Variants in CNTNAP2 observed in about 807,000 individuals in gnomAD.
The protein encoded by CNTNAP2 is contactin-associated protein-like 2.
In CNTNAP2, 98 loss-of-function variants were observed where a neutral mutation model predicts 155.2. That is an observed-to-expected ratio of 0.63 (90% CI 0.54 to 0.75). CNTNAP2 has a LOEUF of 0.75. Among genes scored for constraint, CNTNAP2 ranks in the 30% least tolerant of loss-of-function variants. The pLI, the probability that CNTNAP2 is intolerant of heterozygous loss-of-function variation, is 0.00. For missense variants in CNTNAP2, 1,727 were observed against 1,688.1 expected, an observed-to-expected ratio of 1.02 and a Z score of -0.40; for synonymous variants, 651 against 631.2, an observed-to-expected ratio of 1.03 and a Z score of -0.47.
At chr7:148,182,811 G>T (rs970776205) in intron 18 of CNTNAP2, among the ~76,000 whole-genome samples, 15 of 152,178 alleles carry the variant, frequency 9.9e-5, no homozygotes, top group African/African-American at 3.4e-4. Context: ...TTCTCAAGAG[G>T]ACTGGGCACA....
chr7:147,755,358 A>G (rs975713753), intron 13 of CNTNAP2, among the ~76,000 whole-genome samples: 2 of 152,256 alleles, frequency 1.3e-5, no homozygotes, highest in Admixed American at 6.5e-5. Context: ...CAAAAGATCC[A>G]CCAGCGTTAA....
chr7:147,208,407 A>G (rs1803066080), intron 8 of CNTNAP2, among the ~76,000 whole-genome samples: 1 of 152,112 alleles, frequency 6.6e-6, no homozygotes, highest in Admixed American at 6.6e-5. Context: ...CAGCTTCCAT[A>G]AGAGCATTTA....
At chr7:146,332,284 C>T (rs978216886) in intron 1 of CNTNAP2, among the ~76,000 whole-genome samples, 5 of 151,656 alleles carry the variant, frequency 3.3e-5, no homozygotes, top group Non-Finnish European at 5.9e-5. Context: ...AATTTTAAAA[C>T]TATTTATTCA....
At chr7:147,422,593 G>A (rs536353400) in intron 10 of CNTNAP2, among the ~76,000 whole-genome samples, 53 of 152,172 alleles carry the variant, frequency 3.5e-4, no homozygotes, top group South Asian at 1.0e-3. Context: ...CTTCAATTAA[G>A]TTCTTTTACA....
chr7:148,069,759 C>CAAA (rs57389619), intron 15 of CNTNAP2, among the ~76,000 whole-genome samples: 3 of 68,948 alleles, frequency 4.4e-5, no homozygotes, highest in East Asian at 4.7e-4. Flanking sequence ...GACTCCGTCT[C>CAAA]AAAAAAAAAA....
intron 11 of CNTNAP2, among the ~76,000 whole-genome samples, chr7:147,494,530 C>T (rs1798665162): frequency 6.9e-6 from 1 of 144,942 alleles, no homozygotes; most frequent in Non-Finnish European, 1.5e-5. Flanking sequence ...GCTGTAAAGA[C>T]ATGCTGTGAT....
intron 15 of CNTNAP2, among the ~76,000 whole-genome samples, chr7:148,051,981 T>C (rs4443578): frequency 0.038 from 5,787 of 151,834 alleles, 201 homozygotes; most frequent in African/African-American, 0.091. Flanking sequence ...CTACTAAAAA[T>C]ACAAAAAATT....
At chr7:146,790,087 A>G (rs1454938123) in intron 2 of CNTNAP2, among the ~76,000 whole-genome samples, 1 of 152,002 alleles carries the variant, frequency 6.6e-6, no homozygotes, top group African/African-American at 2.4e-5. Flanking sequence ...TTCCTGGAAA[A>G]CTAGAAACTC....
At chr7:147,423,517 T>C (rs1797331487) in intron 10 of CNTNAP2, among the ~76,000 whole-genome samples, 1 of 152,152 alleles carries the variant, frequency 6.6e-6, no homozygotes. Context: ...CTCCTCTCTA[T>C]GGAAATGTAT....
chr7:147,377,880 T>C (rs1318683759), intron 9 of CNTNAP2: 1 of 376,492 alleles, frequency 2.7e-6, no homozygotes, highest in Non-Finnish European at 5.2e-6. Flanking sequence ...ATGCTGTGTT[T>C]AGTGCTAGAT....
intron 13 of CNTNAP2, among the ~76,000 whole-genome samples, chr7:147,690,837 A>G (rs1021463405): frequency 3.1e-4 from 47 of 152,004 alleles, no homozygotes. Flanking sequence ...TTGATTCTCC[A>G]CTGTACAGAT....
chr7:146,540,993 A>C (rs1797944880), intron 1 of CNTNAP2, among the ~76,000 whole-genome samples: 1 of 151,944 alleles, frequency 6.6e-6, no homozygotes, highest in Admixed American at 6.6e-5. Context: ...TTTTGATAGC[A>C]ATTTTTCTGA....
At chr7:147,592,114 A>G (rs1229872992) in intron 12 of CNTNAP2, among the ~76,000 whole-genome samples, 1 of 152,192 alleles carries the variant, frequency 6.6e-6, no homozygotes, top group Non-Finnish European at 1.5e-5. Flanking sequence ...AGTGCCTGTG[A>G]ACAGGGACTG....
At chr7:146,271,422 A>G (rs1231976987) in intron 1 of CNTNAP2, among the ~76,000 whole-genome samples, 1 of 152,014 alleles carries the variant, frequency 6.6e-6, no homozygotes, top group African/African-American at 2.4e-5. Context: ...AATTTCTGTA[A>G]TATTTTAATT....
chr7:147,191,998 G>A (rs1198298235), intron 8 of CNTNAP2, among the ~76,000 whole-genome samples: 1 of 151,858 alleles, frequency 6.6e-6, no homozygotes, highest in South Asian at 2.1e-4. Context: ...TATTGTTTGA[G>A]GTATAAACAT....
intron 13 of CNTNAP2, among the ~76,000 whole-genome samples, chr7:147,728,298 C>T (rs1215257975): frequency 1.3e-5 from 2 of 152,010 alleles, no homozygotes; most frequent in Non-Finnish European, 2.9e-5. Context: ...AATTCTGTTT[C>T]TCAGGTGAAG....
chr7:147,033,190 A>ATGTATATATATATATATATATATATG (rs1554427724), intron 3 of CNTNAP2, among the ~76,000 whole-genome samples: 1 of 92,476 alleles, frequency 1.1e-5, no homozygotes, highest in Non-Finnish European at 2.3e-5. Context: ...ATATATATAT[A>ATGTATATATATATATATATATATATG]TATATATATA....
At chr7:146,377,830 A>G (rs754847813) in intron 1 of CNTNAP2, among the ~76,000 whole-genome samples, 16 of 152,226 alleles carry the variant, frequency 1.1e-4, no homozygotes, top group Non-Finnish European at 2.4e-4. Flanking sequence ...ATCATGAGTT[A>G]TTAATTGTTG....
chr7:146,624,482 C>G (rs939138469), intron 1 of CNTNAP2, among the ~76,000 whole-genome samples: 1 of 150,050 alleles, frequency 6.7e-6, no homozygotes, highest in Admixed American at 6.6e-5. Flanking sequence ...CTTTTTTTAT[C>G]AACATTTCAA....
Sources: allele counts gnomAD v4.1 joint callset (sites outside exome capture counted in the v4.1 genomes callset), GRCh38; gene constraint gnomAD v4.1.1; transcripts MANE v1.5; gene names NCBI Gene and HGNC (gene_info 2026-07-23, HGNC 2026-07-21).